Variants in LMNB1 observed in about 807,000 individuals in gnomAD.
LMNB1 encodes the protein lamin B1.
LMNB1 carries 23 observed loss-of-function variants against 67.1 expected under a neutral mutation model. That is an observed-to-expected ratio of 0.34 (90% CI 0.25 to 0.49). LMNB1 has a LOEUF of 0.49. Among genes scored for constraint, LMNB1 ranks in the 20% least tolerant of loss-of-function variants. LMNB1 has a pLI of 0.99. For missense variants in LMNB1, 634 were observed against 746.5 expected, an observed-to-expected ratio of 0.85 and a Z score of 1.76; for synonymous variants, 281 against 282.9, an observed-to-expected ratio of 0.99 and a Z score of 0.07.
At chr5:126,785,903 A>G (rs1014933880) in intron 1 of LMNB1, among the ~76,000 whole-genome samples, 11 of 151,652 alleles carry the variant, frequency 7.3e-5, no homozygotes, top group East Asian at 2.0e-4. Flanking sequence ...AATTCTAGCT[A>G]CTTAGGAGGC....
chr5:126,802,562 G>C (rs2408776), intron 1 of LMNB1, among the ~76,000 whole-genome samples: 25,607 of 152,108 alleles, frequency 0.17, 2,516 homozygotes, highest in East Asian at 0.28. Context: ...TCCTGCCTCA[G>C]CCTCCCAGGT....
chr5:126,789,098 G>A (rs1750885698), intron 1 of LMNB1, among the ~76,000 whole-genome samples: 1 of 151,982 alleles, frequency 6.6e-6, no homozygotes, highest in South Asian at 2.1e-4. Flanking sequence ...ATGTTTCCCA[G>A]GCTGGTCTTG....
intron 7 of LMNB1, among the ~76,000 whole-genome samples, 166 bp downstream of exon 7, chr5:126,821,301 G>A (rs899994247): frequency 2.0e-5 from 3 of 152,150 alleles, no homozygotes; most frequent in Non-Finnish European, 4.4e-5. Context: ...AATTAAAATA[G>A]GAGGAGGAAG....
chr5:126,780,874 C>T (rs764436904), intron 1 of LMNB1, among the ~76,000 whole-genome samples: 1 of 151,950 alleles, frequency 6.6e-6, no homozygotes, highest in Non-Finnish European at 1.5e-5. Context: ...AAAAATTTGC[C>T]CTCAGTGTGT....
chr5:126,780,492 A>T (rs1750604599), intron 1 of LMNB1, among the ~76,000 whole-genome samples: 1 of 152,234 alleles, frequency 6.6e-6, no homozygotes. Context: ...TGCTGGTTTC[A>T]GCGGGGTTAA....
upstream of LMNB1, chr5:126,776,742 A>T (rs1164098141): frequency 6.6e-6 from 1 of 152,202 alleles, no homozygotes; most frequent in Non-Finnish European, 1.5e-5. Flanking sequence ...GCGGTGGCGC[A>T]GATCCGTCCC....
At chr5:126,812,302 G>C (rs1751597516) in intron 5 of LMNB1, among the ~76,000 whole-genome samples, 1 of 152,166 alleles carries the variant, frequency 6.6e-6, no homozygotes, top group Non-Finnish European at 1.5e-5. Context: ...CTTTGTGGGT[G>C]GTGAATGCTT....
intron 9 of LMNB1, among the ~76,000 whole-genome samples, chr5:126,829,560 C>G (rs1298388268): frequency 6.6e-6 from 1 of 151,546 alleles, no homozygotes; most frequent in African/African-American, 2.4e-5. Flanking sequence ...CCTGACAGAA[C>G]TCTCTCAGAA....
chr5:126,776,843 G>A (rs1470264678), upstream of LMNB1: 1 of 152,222 alleles, frequency 6.6e-6, no homozygotes, highest in East Asian at 1.9e-4. Flanking sequence ...GCCCAGAGCC[G>A]CGCGGGTGGG....
Position 126,805,645 on chromosome 5 carries a change from T to C in LMNB1, c.591T>C (p.Arg197=), listed in dbSNP as rs1751397032. The part of the protein sequence containing the change: ...ETLLKVDLEN[R]CQSLTEDLEF... ...TACTTAAAGTAGATTTGGAGAATCG[T>C]TGTCAGAGCCTTACTGAGGACTTGG... Residue 197 remains arginine, a synonymous_variant, in exon 3 of 11, where the codon CGT becomes CGC. Transcript: ENST00000261366. The C allele has an allele frequency of 1.2e-6, 2 of 1,613,096 alleles. No homozygotes were observed. Among genetic ancestry groups the C allele is most frequent in the Non-Finnish European group, 8.5e-7 (1 of 1,179,260 alleles).
Position 126,826,024 on chromosome 5 carries a change from C to T in LMNB1, c.1528C>T (p.Pro510Ser), listed in dbSNP as rs765894554. 6 of 1,613,960 alleles carry T rather than the reference C, an allele frequency of 3.7e-6. No individual in the cohort carries two copies. The highest frequency in any genetic ancestry group is 3.3e-5 in the Admixed American group (2 of 59,984). Residue 510 changes from proline to serine, a missense_variant, in exon 9 of 11, where the codon CCA becomes TCA. Coordinates refer to ENST00000261366, the MANE Select transcript of LMNB1 (RefSeq NM_005573.4). ...AAACGCTGGTGTCACAGCCAGCCCC[C>T]CAACTGACCTCATCTGGAAGAACCA... ...AANAGVTASP[P>S]TDLIWKNQNS... is the part of the protein sequence containing the mutation.
intron 1 of LMNB1, among the ~76,000 whole-genome samples, chr5:126,781,910 T>C (rs1384982781): frequency 6.6e-6 from 1 of 152,200 alleles, no homozygotes; most frequent in African/African-American, 2.4e-5. Context: ...AAATGCTTGG[T>C]CTAAAGAGAA....
At chr5:126,800,982 A>ATATAGTTTTTTTTT in intron 1 of LMNB1, among the ~76,000 whole-genome samples, 1 of 18,632 alleles carries the variant, frequency 5.4e-5, no homozygotes, top group African/African-American at 1.7e-4. Flanking sequence ...TATATATATA[A>ATATAGTTTTTTTTT]TTTTTTTTTT....
intron 1 of LMNB1, among the ~76,000 whole-genome samples, chr5:126,793,157 T>G (rs2112936833): frequency 6.6e-6 from 1 of 152,332 alleles, no homozygotes; most frequent in Admixed American, 6.5e-5. Context: ...GAACACTGTT[T>G]CAGAAATATT....
chr5:126,783,193 C>T (rs531235801), intron 1 of LMNB1, among the ~76,000 whole-genome samples: 22 of 151,980 alleles, frequency 1.4e-4, no homozygotes, highest in Non-Finnish European at 2.8e-4. Flanking sequence ...GAGCGAGACT[C>T]TGTCTCAAAA....
At chr5:126,822,662 T>C (rs1027920331) in intron 7 of LMNB1, 119 bp from the exon 8 acceptor site, 14 of 571,366 alleles carry the variant, frequency 2.5e-5, no homozygotes, top group African/African-American at 9.8e-5. Flanking sequence ...ACCTGAAATG[T>C]GGGAAGATGA....
chr5:126,804,552 T>C (rs976965208), intron 1 of LMNB1, among the ~76,000 whole-genome samples: 4 of 152,228 alleles, frequency 2.6e-5, no homozygotes, highest in Non-Finnish European at 4.4e-5. Context: ...GTCTTTAATA[T>C]GGACGTCTTT....
In LMNB1 at chr5:126,777,504, C is replaced by T; in HGVS notation, c.-5C>T. ...CTCGCCGCCCCGCTGTCTCCGCCGCCCGCCATGGCGACTGCGACCCCCGTG... is the reference window on the plus strand; with the variant it reads ...CTCGCCGCCCCGCTGTCTCCGCCGCTCGCCATGGCGACTGCGACCCCCGTG... On this transcript the variant is annotated 5_prime_UTR_variant, in exon 1 of 11. Transcript: ENST00000261366. 7.5e-7 allele frequency: 1 copy of T among 1,332,644 alleles called. No individual in the cohort carries two copies. The highest frequency in any genetic ancestry group is 9.6e-7 in the Non-Finnish European group (1 of 1,044,452). The allele number at this position is 1,332,644 out of a possible 1,614,324, so 82.6% of individuals were successfully genotyped here.
chr5:126,805,379 G>A (rs926359470), intron 2 of LMNB1, among the ~76,000 whole-genome samples, 192 bp from the exon 3 acceptor site: 1 of 152,238 alleles, frequency 6.6e-6, no homozygotes, highest in African/African-American at 2.4e-5. Context: ...CTGGTCGTTT[G>A]GTATGATACT....
Sources: allele counts gnomAD v4.1 joint callset (sites outside exome capture counted in the v4.1 genomes callset), GRCh38; gene constraint gnomAD v4.1.1; transcripts MANE v1.5; gene names NCBI Gene and HGNC (gene_info 2026-07-23, HGNC 2026-07-21).